The following FBRSL1 variants were observed in gnomAD, a reference collection of about 807,000 sequenced individuals.
FBRSL1 encodes the protein fibrosin like 1, also known as fibrosin-1-like protein.
A neutral mutation model predicts 89.6 loss-of-function variants in FBRSL1; 51 were observed. The observed-to-expected ratio is 0.57, with a 90% CI of 0.45 to 0.72. The LOEUF (loss-of-function observed/expected upper bound fraction) is 0.72. Among genes scored for constraint, FBRSL1 ranks in the 30% least tolerant of loss-of-function variants. The pLI is 0.00. For missense variants in FBRSL1, 1,618 were observed against 1,451.8 expected (o/e 1.11, Z -1.86); for synonymous variants, 779 against 681.1 (o/e 1.14, Z -2.24).
chr12:132,567,090 T>C (rs1297354644), intron 5 of FBRSL1, among the ~76,000 whole-genome samples: 1 of 152,158 alleles, frequency 6.6e-6, no homozygotes, highest in African/African-American at 2.4e-5. Flanking sequence ...TCTGGCCTGA[T>C]GGGTGGGGGC....
chr12:132,571,755 C>T (rs1031811146), intron 9 of FBRSL1: 14 of 351,066 alleles, frequency 4.0e-5, no homozygotes, highest in East Asian at 2.6e-4. Context: ...GCAGGCACCC[C>T]GTGCCCACGT....
chr12:132,577,964 G>A (rs1425155150), intron 15 of FBRSL1, among the ~76,000 whole-genome samples: 1 of 152,202 alleles, frequency 6.6e-6, no homozygotes, highest in African/African-American at 2.4e-5. Flanking sequence ...TGAAGCATGA[G>A]CATCCACATA....
At position 132,572,321 on chromosome 12, in the gene FBRSL1, T is replaced by C; in HGVS notation, c.1411T>C (p.Tyr471His). Residue 471 changes from tyrosine (Y) to histidine (H), a missense_variant, in exon 10 of 19, where the codon TAC becomes CAC. Transcript: ENST00000680143. ...GTATGCGCCCAAGCTGGACAGCCCC[T>C]ACTTCCGACATTCCAGCGTGAGTGT... is the stretch of plus-strand genomic sequence containing the variant. ...DKYAPKLDSP[Y>H]FRHSSVSFFP... 6.4e-7 allele frequency: 1 copy of C among 1,551,162 alleles called. No individual in the cohort carries two copies.
At chr12:132,571,548 G>A in intron 9 of FBRSL1, 1 of 1,350,010 alleles carries the variant, frequency 7.4e-7, no homozygotes, top group Non-Finnish European at 9.6e-7. Context: ...CGTGCTGGCA[G>A]GGGGCGGGGG....
intron 4 of FBRSL1, among the ~76,000 whole-genome samples, chr12:132,531,493 G>A (rs2036274484): frequency 1.3e-5 from 2 of 152,144 alleles, no homozygotes; most frequent in South Asian, 4.1e-4. Flanking sequence ...GCTGCATGGG[G>A]CTGTGCGTTG....
intron 2 of FBRSL1, among the ~76,000 whole-genome samples, chr12:132,522,383 G>A (rs2035436939): frequency 6.6e-6 from 1 of 151,900 alleles, no homozygotes; most frequent in Non-Finnish European, 1.5e-5. Flanking sequence ...GTGAGGGGAG[G>A]GGACCTTGGG....
chr12:132,498,507 G>A (rs538685982), intron 1 of FBRSL1, among the ~76,000 whole-genome samples: 2 of 152,360 alleles, frequency 1.3e-5, no homozygotes, highest in Admixed American at 1.3e-4. Flanking sequence ...CCAGGGAAAT[G>A]AGGAGGATGG....
intron 4 of FBRSL1, among the ~76,000 whole-genome samples, chr12:132,544,373 G>T (rs2037508017): frequency 6.6e-6 from 1 of 152,102 alleles, no homozygotes; most frequent in Non-Finnish European, 1.5e-5. Context: ...TTGATATCGG[G>T]GTCTCCTCGT....
At chr12:132,509,300 G>A (rs895252622) in intron 2 of FBRSL1, 6 of 1,250,964 alleles carry the variant, frequency 4.8e-6, no homozygotes, top group East Asian at 3.2e-5. Context: ...CGGCACTCCC[G>A]GACCCTGGGC....
At chr12:132,494,980 C>T (rs954622648) in intron 1 of FBRSL1, among the ~76,000 whole-genome samples, 5 of 152,364 alleles carry the variant, frequency 3.3e-5, no homozygotes, top group South Asian at 4.1e-4. Flanking sequence ...GTGCGGCCCC[C>T]GGCCTCCCAG....
intron 5 of FBRSL1, among the ~76,000 whole-genome samples, chr12:132,549,979 G>A (rs2038010663): frequency 6.6e-6 from 1 of 152,240 alleles, no homozygotes; most frequent in African/African-American, 2.4e-5. Context: ...GAGATGACCA[G>A]CTCTGGGCGG....
rs544568280 is a variant in FBRSL1, at chr12:132,513,730, G to A, written c.489+5380G>A. ...GGTTTGTTGTTGGGGGAGGAGAAGGGGAGGTCGGGGTGGATTCCTGGAAGA... is the reference window on the plus strand; with the variant it reads ...GGTTTGTTGTTGGGGGAGGAGAAGGAGAGGTCGGGGTGGATTCCTGGAAGA... On this transcript the variant is annotated intron_variant, in intron 2 of 18. Transcript: ENST00000680143. Among the ~76,000 whole-genome samples the A allele has an allele frequency of 2.0e-5, 3 of 152,292 alleles. No individual in the cohort carries two copies. In the South Asian group the frequency reaches 6.2e-4, roughly 32 times the overall value.
At chr12:132,549,297 G>A (rs1018235971) in intron 5 of FBRSL1, among the ~76,000 whole-genome samples, 1 of 152,176 alleles carries the variant, frequency 6.6e-6, no homozygotes, top group Non-Finnish European at 1.5e-5. Flanking sequence ...TCGCCCGTCC[G>A]CAGATGGACA....
intron 2 of FBRSL1, among the ~76,000 whole-genome samples, chr12:132,521,151 T>C (rs2035314814): frequency 3.3e-5 from 5 of 152,010 alleles, no homozygotes; most frequent in Admixed American, 3.3e-4. Flanking sequence ...TCCTGAAAGC[T>C]CCCCGAGGGA....
intron 2 of FBRSL1, among the ~76,000 whole-genome samples, chr12:132,516,736 C>T (rs2034879376): frequency 6.6e-6 from 1 of 152,190 alleles, no homozygotes; most frequent in Admixed American, 6.5e-5. Context: ...AAATAACTTG[C>T]CCAAGGTTCA....
chr12:132,583,466 C>A lies in FBRSL1; in HGVS notation c.2697C>A (p.Arg899=). Residue 899 remains arginine, a synonymous_variant, in exon 19 of 19, where the codon CGC becomes CGA. Transcript: ENST00000680143. ...ACGGCTACAGCCCCGAGCGCCTGCG[C>A]GGGGAGCTGGAGCGCGCGCGGGCCC... ...EPHGYSPERL[R]GELERARAPH... The A allele has an allele frequency of 9.4e-7, 1 of 1,059,470 alleles. No individual in the cohort carries two copies. Among genetic ancestry groups the A allele is most frequent in the Non-Finnish European group, 1.1e-6 (1 of 876,584 alleles). The allele number at this position is 1,059,470 out of a possible 1,614,324, so 65.6% of individuals were successfully genotyped here. A position where few individuals can be genotyped will look rare whatever the true frequency, so the allele number is the denominator to read the frequency against.
intron 2 of FBRSL1, among the ~76,000 whole-genome samples, chr12:132,516,615 G>GATCGT (rs2034868657): frequency 1.3e-5 from 2 of 152,202 alleles, no homozygotes; most frequent in African/African-American, 4.8e-5. Flanking sequence ...AGTCTTTTCT[G>GATCGT]ATCGTACCAG....
intron 4 of FBRSL1, among the ~76,000 whole-genome samples, chr12:132,533,099 C>T (rs972491577): frequency 2.6e-5 from 4 of 151,516 alleles, no homozygotes; most frequent in Non-Finnish European, 5.9e-5. Context: ...CCAACCCAGC[C>T]TCTCCCTGGA....
At chr12:132,582,907 C>T (rs1446051451) in intron 18 of FBRSL1, 64 bp from the exon 19 acceptor site, 13 of 1,277,552 alleles carry the variant, frequency 1.0e-5, no homozygotes, top group Admixed American at 4.2e-5. Context: ...GGGAACATCC[C>T]GGGGCTGCGC....
Sources: allele counts gnomAD v4.1 joint callset (sites outside exome capture counted in the v4.1 genomes callset), GRCh38; gene constraint gnomAD v4.1.1; transcripts MANE v1.5; gene names NCBI Gene and HGNC (gene_info 2026-07-23, HGNC 2026-07-21).